DAW1: variants seen among roughly 807,000 people sequenced by gnomAD.
DAW1 encodes the protein dynein assembly factor with WD repeats 1, also known as dynein assembly factor with WD repeat domains 1.
DAW1 carries 47 observed loss-of-function variants against 56.5 expected under a neutral mutation model. The observed-to-expected ratio is 0.83, with a 90% CI of 0.66 to 1.06. The LOEUF (loss-of-function observed/expected upper bound fraction) is 1.06. Among genes scored for constraint, DAW1 ranks in the 50% least tolerant of loss-of-function variants. The pLI is 0.00. For synonymous variants in DAW1, 190 were observed against 179.0 expected, an observed-to-expected ratio of 1.06 and a Z score of -0.49; for missense variants, 505 against 499.3, an observed-to-expected ratio of 1.01 and a Z score of -0.11.
chr2:227,900,757 G>A (rs1691522162), intron 6 of DAW1, among the ~76,000 whole-genome samples: 1 of 152,184 alleles, frequency 6.6e-6, no homozygotes, highest in African/African-American at 2.4e-5. Flanking sequence ...ATGTGAATGT[G>A]GATTTGCAGC....
chr2:227,876,543 G>A, intron 1 of DAW1: 3 of 1,275,280 alleles, frequency 2.4e-6, no homozygotes, highest in Non-Finnish European at 3.1e-6. Context: ...TTATTCCACT[G>A]AATCATTCCC....
intron 1 of DAW1, among the ~76,000 whole-genome samples, chr2:227,880,964 A>G (rs1690997317): frequency 6.6e-6 from 1 of 152,236 alleles, no homozygotes; most frequent in Non-Finnish European, 1.5e-5. Context: ...AGGTGAGACG[A>G]GAAGAATCTG....
intron 10 of DAW1, among the ~76,000 whole-genome samples, chr2:227,918,379 G>A (rs749543649): frequency 2.0e-5 from 3 of 152,184 alleles, no homozygotes; most frequent in Non-Finnish European, 4.4e-5. Flanking sequence ...TTCTTGGGAT[G>A]TTCCTTGTGT....
At chr2:227,921,692 C>A in intron 12 of DAW1, 131 bp downstream of exon 12, 2 of 936,088 alleles carry the variant, frequency 2.1e-6, no homozygotes, top group Non-Finnish European at 3.1e-6. Context: ...TCTTGGCCTG[C>A]CCTCATATTT....
intron 1 of DAW1, among the ~76,000 whole-genome samples, chr2:227,877,863 G>A (rs1690916717): frequency 6.6e-6 from 1 of 152,250 alleles, no homozygotes; most frequent in Non-Finnish European, 1.5e-5. Flanking sequence ...GACTGGTACT[G>A]GTCCAGGGCC....
At chr2:227,921,197 A>G (rs1391956203) in intron 11 of DAW1, among the ~76,000 whole-genome samples, 1 of 150,216 alleles carries the variant, frequency 6.7e-6, no homozygotes, top group Non-Finnish European at 1.5e-5. Context: ...TTCTCTCTGG[A>G]TTTTAGTTTC....
intron 1 of DAW1, among the ~76,000 whole-genome samples, chr2:227,873,150 A>G (rs1690796762): frequency 6.6e-6 from 1 of 152,198 alleles, no homozygotes; most frequent in African/African-American, 2.4e-5. Flanking sequence ...CCCTAGAGCT[A>G]GGAAAAGCTG....
At position 227,918,576 on chromosome 2, in the gene DAW1, A is replaced by G. The variant is rs566100858; in HGVS notation, c.974-204A>G. Among the ~76,000 whole-genome samples, 108 of 152,184 alleles carry G rather than the reference A, an allele frequency of 7.1e-4. 1 individual carries two copies. Among genetic ancestry groups the G allele is most frequent in the Non-Finnish European group, 1.3e-3 (89 of 68,032 alleles). ...TTTCTTCTAATAAGCTCAGGGCTAA[A>G]GAGGAGCTCCCTCTCACCCTCTCCT... is the stretch of plus-strand genomic sequence containing the variant. On this transcript the variant is annotated intron_variant, in intron 10 of 12. Coordinates refer to ENST00000309931, the MANE Select transcript of DAW1 (RefSeq NM_178821.3).
intron 10 of DAW1, among the ~76,000 whole-genome samples, chr2:227,917,653 T>C (rs1441585412): frequency 2.0e-5 from 3 of 152,200 alleles, no homozygotes; most frequent in Non-Finnish European, 2.9e-5. Flanking sequence ...TTTAGACATA[T>C]AGTTTTATAA....
chr2:227,915,052 A>G (rs1271945637), intron 10 of DAW1, among the ~76,000 whole-genome samples: 3 of 152,068 alleles, frequency 2.0e-5, no homozygotes, highest in Admixed American at 2.0e-4. Flanking sequence ...CAGTGATGCT[A>G]CATAATGTCT....
In DAW1 at chr2:227,913,086, T is replaced by C. The variant is rs192400729; in HGVS notation, c.974-5694T>C. ...TTACAATCGCAATCATGTATGAGTC[T>C]GTACTATATCTGAATCATCTCCTAG... On this transcript the variant is annotated intron_variant, in intron 10 of 12. Coordinates refer to ENST00000309931, the MANE Select transcript of DAW1 (RefSeq NM_178821.3). Among the ~76,000 whole-genome samples the C allele has an allele frequency of 4.7e-3, 711 of 152,276 alleles. 9 individuals are homozygous for C. The highest frequency in any genetic ancestry group is 8.1e-3 in the Non-Finnish European group (553 of 68,018).
Position 227,918,783 on chromosome 2 carries a change from C to T in DAW1, c.977C>T (p.Thr326Ile), listed in dbSNP as rs1198112004. Reference protein sequence around the residue: ...KLIATASADGTARIFSAATRK... With the variant: ...KLIATASADGIARIFSAATRK... ...TATCCCCACCCCTCTCAAAAAGGAACAGCAAGAATTTTCAGTGCTGCCACA... is the reference window on the plus strand; with the variant it reads ...TATCCCCACCCCTCTCAAAAAGGAATAGCAAGAATTTTCAGTGCTGCCACA... Residue 326 changes from threonine to isoleucine, a missense_variant, in exon 11 of 13, where the codon ACA (threonine) becomes ATA (isoleucine). Thr to Ile is a moderately conservative substitution (Grantham distance 89, BLOSUM62 -1). Coordinates refer to ENST00000309931, the MANE Select transcript of DAW1 (RefSeq NM_178821.3). 2 of 1,613,824 alleles carry T rather than the reference C, an allele frequency of 1.2e-6. No homozygotes were observed. Among genetic ancestry groups the T allele is most frequent in the Admixed American group, 1.7e-5 (1 of 59,964 alleles).
chr2:227,901,071 G>T (rs1396470778), intron 6 of DAW1, among the ~76,000 whole-genome samples: 1 of 152,216 alleles, frequency 6.6e-6, no homozygotes, highest in African/African-American at 2.4e-5. Flanking sequence ...CTGTGGCACT[G>T]TGAAAAAGAA....
chr2:227,921,705 A>G, intron 12 of DAW1, 144 bp downstream of exon 12: 2 of 841,086 alleles, frequency 2.4e-6, no homozygotes, highest in Non-Finnish European at 3.5e-6. Flanking sequence ...TCATATTTTC[A>G]TTATTTAATT....
chr2:227,904,882 AT>A, intron 7 of DAW1, 46 bp from the exon 8 acceptor site: 2 of 1,531,214 alleles, frequency 1.3e-6, no homozygotes, highest in African/African-American at 2.7e-5. Flanking sequence ...GCTTGCAGAA[AT>A]TGTTTTATCT....
At chr2:227,890,694 C>G (rs1234586432) in intron 3 of DAW1, among the ~76,000 whole-genome samples, 1 of 152,168 alleles carries the variant, frequency 6.6e-6, no homozygotes, top group African/African-American at 2.4e-5. Flanking sequence ...GTAGGTGGCA[C>G]TGTTTAATTT....
intron 6 of DAW1, among the ~76,000 whole-genome samples, chr2:227,899,934 A>C (rs1408727351): frequency 3.3e-5 from 5 of 152,224 alleles, no homozygotes; most frequent in Middle Eastern, 3.2e-3. Flanking sequence ...ACAGGAACAA[A>C]AACAAGCTGC....
intron 1 of DAW1, 138 bp downstream of exon 1, chr2:227,871,867 C>T: frequency 9.8e-7 from 1 of 1,019,992 alleles, no homozygotes; most frequent in Non-Finnish European, 1.5e-6. Flanking sequence ...CACTTCCCAA[C>T]CTGTGCCCCT....
rs765632828 is a variant in DAW1 at position 227,871,644 on chromosome 2, T to G, written c.-46T>G. ...CCGCGTCCCGCTGCTGTTTAGCCGT[T>G]TCCAAGGCTACGAAGCCCATCGGCC... On this transcript the variant is annotated 5_prime_UTR_variant, in exon 1 of 13. Coordinates refer to ENST00000309931, the MANE Select transcript of DAW1 (RefSeq NM_178821.3). 6.2e-7 allele frequency: 1 copy of G among 1,605,450 alleles called. No homozygotes were observed. Among genetic ancestry groups the G allele is most frequent in the Admixed American group, 1.7e-5 (1 of 58,724 alleles).
Sources: allele counts gnomAD v4.1 joint callset (sites outside exome capture counted in the v4.1 genomes callset), GRCh38; gene constraint gnomAD v4.1.1; transcripts MANE v1.5; gene names NCBI Gene and HGNC (gene_info 2026-07-23, HGNC 2026-07-21).